Variants in DSC3 observed in about 807,000 individuals in gnomAD.
The protein encoded by DSC3 is desmocollin 3.
Under a neutral mutation model 89.5 loss-of-function variants are expected in DSC3, and 97 were observed. The ratio of observed to expected loss-of-function variants is 1.08; its 90% CI spans 0.92 to 1.28. DSC3 has a LOEUF of 1.28. Among genes scored for constraint, DSC3 ranks in the 50% most tolerant of loss-of-function variants. The pLI is 0.00. For missense variants in DSC3, 1,199 were observed against 1,085.3 expected, an observed-to-expected ratio of 1.10 and a Z score of -1.47; for synonymous variants, 436 against 384.1, an observed-to-expected ratio of 1.14 and a Z score of -1.58.
intron 1 of DSC3, among the ~76,000 whole-genome samples, chr18:31,037,897 C>CAAAA (rs567216995): frequency 3.3e-4 from 45 of 137,252 alleles, no homozygotes; most frequent in African/African-American, 1.1e-3. Flanking sequence ...AACTCCATCT[C>CAAAA]AAAAAAAAAA....
intron 9 of DSC3, among the ~76,000 whole-genome samples, chr18:31,016,065 C>T (rs1178374251): frequency 6.6e-6 from 1 of 152,122 alleles, no homozygotes; most frequent in African/African-American, 2.4e-5. Flanking sequence ...TTTACAAATG[C>T]CACGGTAATG....
At chr18:31,030,811 G>A (rs1985760164) in intron 3 of DSC3, among the ~76,000 whole-genome samples, 162 bp downstream of exon 3, 1 of 151,694 alleles carries the variant, frequency 6.6e-6, no homozygotes, top group Non-Finnish European at 1.5e-5. Context: ...GAAAATGGAG[G>A]GGAAGGAAAA....
chr18:30,997,164 A>T, intron 14 of DSC3, 116 bp from the exon 15 acceptor site: 1 of 1,275,902 alleles, frequency 7.8e-7, no homozygotes, highest in Non-Finnish European at 1.1e-6. Flanking sequence ...TCATTCATTC[A>T]TTCAACAGAC....
intron 12 of DSC3, 95 bp downstream of exon 12, chr18:31,006,812 T>G (rs1210841911): frequency 9.9e-7 from 1 of 1,007,704 alleles, no homozygotes. Flanking sequence ...TGAGACTCAG[T>G]TTTACTTCAT....
intron 1 of DSC3, among the ~76,000 whole-genome samples, chr18:31,034,279 T>C (rs1049283868): frequency 6.6e-6 from 1 of 152,030 alleles, no homozygotes; most frequent in Non-Finnish European, 1.5e-5. Flanking sequence ...AAAAAGTAGA[T>C]GAAAAGATGC....
rs1202099229 is a variant in DSC3 at position 31,024,351 on chromosome 18, G to A, written c.773C>T (p.Pro258Leu). ...YNFEVLESSR[P>L]GTTVGVVCAT... Reference sequence around the variant, plus strand: ...TTTATTCTTAAAAGCAGACTTACCAGGTCTACTACTTTCCAAAACTTCAAA... The same window carrying A: ...TTTATTCTTAAAAGCAGACTTACCAAGTCTACTACTTTCCAAAACTTCAAA... Residue 258 changes from proline (P) to leucine (L), a missense_variant and splice_region_variant, in exon 6 of 16, where the codon CCT becomes CTT. Physicochemically the swap from Pro to Leu is moderately conservative, Grantham distance 98 (BLOSUM62 -3). Coordinates refer to ENST00000360428, the MANE Select transcript of DSC3 (RefSeq NM_001941.5). 1 of 1,597,312 alleles carries A rather than the reference G, an allele frequency of 6.3e-7. No individual in the cohort carries two copies. Among genetic ancestry groups the A allele is most frequent in the South Asian group, 1.1e-5 (1 of 88,634 alleles).
Position 31,022,508 on chromosome 18 carries a change from C to T in DSC3, c.776-6G>A. 20 of 1,613,898 alleles carry T rather than the reference C, an allele frequency of 1.2e-5. No individual in the cohort carries two copies. Among genetic ancestry groups the T allele is most frequent in the Non-Finnish European group, 1.7e-5 (20 of 1,179,892 alleles). ...AACCACCCCCACTGTAGTACCTACACATTAAAAAATAAAACAGCCTTTAAT... is the reference window on the plus strand; with the variant it reads ...AACCACCCCCACTGTAGTACCTACATATTAAAAAATAAAACAGCCTTTAAT... On this transcript the variant is annotated splice_polypyrimidine_tract_variant and splice_region_variant and intron_variant, in intron 6 of 15. Transcript: ENST00000360428.
intron 14 of DSC3, among the ~76,000 whole-genome samples, chr18:30,998,176 T>A (rs564064568): frequency 2.0e-5 from 3 of 152,114 alleles, no homozygotes; most frequent in Non-Finnish European, 4.4e-5. Flanking sequence ...GGTCACTGCA[T>A]CTGATCTGAT....
intron 1 of DSC3, among the ~76,000 whole-genome samples, chr18:31,034,676 G>A (rs1341725119): frequency 6.6e-6 from 1 of 152,104 alleles, no homozygotes; most frequent in Admixed American, 6.5e-5. Context: ...TTCTATGCAT[G>A]CTACAACAAG....
intron 3 of DSC3, among the ~76,000 whole-genome samples, chr18:31,030,248 A>G (rs533222670): frequency 3.0e-4 from 46 of 152,318 alleles, no homozygotes; most frequent in Middle Eastern, 3.4e-3. Flanking sequence ...ATCATGGGAA[A>G]AAGTTCTATT....
intron 7 of DSC3, 111 bp from the exon 8 acceptor site, chr18:31,018,911 C>T (rs542658704): frequency 1.8e-5 from 18 of 1,003,710 alleles, no homozygotes; most frequent in Admixed American, 5.7e-5. Context: ...TGTGTGTTTC[C>T]GTGCTTTTAC....
chr18:31,009,757 G>C (rs7229770), intron 9 of DSC3, among the ~76,000 whole-genome samples: 18,218 of 152,126 alleles, frequency 0.12, 1,267 homozygotes, highest in African/African-American at 0.19. Flanking sequence ...TTACAGAGCA[G>C]AAAACGGGAA....
intron 14 of DSC3, 74 bp from the exon 15 acceptor site, chr18:30,997,122 G>C (rs1984503551): frequency 6.5e-7 from 1 of 1,547,498 alleles, no homozygotes; most frequent in Non-Finnish European, 8.9e-7. Context: ...GCAAAGGAGA[G>C]AGAATATTTG....
rs1986177209 is a variant in DSC3 at position 31,042,693 on chromosome 18, C to A, written c.-33G>T. 2 of 1,543,228 alleles carry A rather than the reference C, an allele frequency of 1.3e-6. No homozygotes were observed. The highest frequency in any genetic ancestry group is 1.7e-6 in the Non-Finnish European group (2 of 1,142,936). On this transcript the variant is annotated 5_prime_UTR_variant, in exon 1 of 16. Transcript: ENST00000360428. ...CCGGGCAGGGCCAGGAGAACGCGGG[C>A]GCCGGGAGGGTGCCGAGAGCGAGAC...
chr18:31,029,259 G>A (rs1219869094), intron 4 of DSC3, among the ~76,000 whole-genome samples: 1 of 152,072 alleles, frequency 6.6e-6, no homozygotes, highest in Non-Finnish European at 1.5e-5. Flanking sequence ...CCTCCCGCAG[G>A]ATATAGTTAA....
At position 31,040,457 on chromosome 18, in the gene DSC3, G is replaced by A. The variant is rs185610234; in HGVS notation, c.69+2135C>T. Among the ~76,000 whole-genome samples, 864 of 152,282 alleles carry A rather than the reference G, an allele frequency of 5.7e-3. 21 individuals are homozygous for A. Among genetic ancestry groups the A allele is most frequent in the Admixed American group, 0.05 (758 of 15,304 alleles). On this transcript the variant is annotated intron_variant, in intron 1 of 15. Coordinates refer to ENST00000360428, the MANE Select transcript of DSC3 (RefSeq NM_001941.5). ...GGCAATCAAAAACTTACAATAGTGA[G>A]TGAGATGCTCTGATATACTTCTTTT... is the stretch of plus-strand genomic sequence containing the variant.
rs577405709 is a variant in DSC3 at position 31,009,406 on chromosome 18, C to T, written c.1264-881G>A. On this transcript the variant is annotated intron_variant, in intron 9 of 15. Transcript: ENST00000360428. ...GGCATCTAACTGAGCCATCTAATTG[C>T]TGCTTTTCTTTTATCAAAATCCATC... Among the ~76,000 whole-genome samples, 64 of 152,258 alleles carry T rather than the reference C, an allele frequency of 4.2e-4. No homozygotes were observed. The South Asian group carries it at 8.1e-3, about 19-fold the overall frequency.
rs754757793 is a variant in DSC3 at position 31,006,935 on chromosome 18, A to G, written c.1860T>C (p.Ser620=). ...TAACTTTGGTGAGGCTCCACAGTCT[A>G]CTGATTTCTGGAGAAGTATTGGGCA... ...FSLPNTSPEI[S]RLWSLTKVND... The change falls in exon 12 of 16, where the codon AGT becomes AGC. Residue 620 remains serine (S), a synonymous_variant. Coordinates refer to ENST00000360428, the MANE Select transcript of DSC3 (RefSeq NM_001941.5). 4.3e-6 allele frequency: 7 copies of G among 1,613,586 alleles called. No homozygotes were observed. The highest frequency in any genetic ancestry group is 2.7e-5 in the African/African-American group (2 of 74,918).
In DSC3 at chr18:31,018,374, C is replaced by T. The variant is rs1985305368; in HGVS notation, c.1078-118G>A. On this transcript the variant is annotated intron_variant, in intron 8 of 15. Coordinates refer to ENST00000360428, the MANE Select transcript of DSC3 (RefSeq NM_001941.5). Reference sequence around the variant, plus strand: ...TAATTTTATATAGATTATTTTAAAACTATGAATCGTAAACACTATTGTTTC... The same window carrying T: ...TAATTTTATATAGATTATTTTAAAATTATGAATCGTAAACACTATTGTTTC... 6 of 831,284 alleles carry T rather than the reference C, an allele frequency of 7.2e-6. No homozygotes were observed. In the South Asian group the frequency reaches 9.3e-5, roughly 13 times the overall value. The allele number at this position is 831,284 out of a possible 1,614,324, so 51.5% of individuals were successfully genotyped here. A position where few individuals can be genotyped will look rare whatever the true frequency, so the allele number is the denominator to read the frequency against.
Sources: allele counts gnomAD v4.1 joint callset (sites outside exome capture counted in the v4.1 genomes callset), GRCh38; gene constraint gnomAD v4.1.1; transcripts MANE v1.5; gene names NCBI Gene and HGNC (gene_info 2026-07-23, HGNC 2026-07-21).